EPS8L2: variants seen among roughly 807,000 people sequenced by gnomAD.
EPS8L2 encodes EPS8 signaling adaptor L2.
A neutral mutation model predicts 99.4 loss-of-function variants in EPS8L2; 81 were observed. That is an observed-to-expected ratio of 0.82 (90% CI 0.68 to 0.98). The LOEUF is 0.98. Among genes scored for constraint, EPS8L2 ranks in the 50% least tolerant of loss-of-function variants. The pLI, the probability that EPS8L2 is intolerant of heterozygous loss-of-function variation, is 0.00. For missense variants in EPS8L2, 1,155 were observed against 968.8 expected (o/e 1.19, Z -2.55); for synonymous variants, 509 against 407.3 (o/e 1.25, Z -3.01).
chr11:721,419 C>A, intron 9 of EPS8L2, 67 bp downstream of exon 9: 1 of 1,511,418 alleles, frequency 6.6e-7, no homozygotes. Context: ...CTGGTCCTTG[C>A]TGTCCCTCCG....
chr11:715,456 C>G (rs1307740360), intron 4 of EPS8L2, among the ~76,000 whole-genome samples: 1 of 151,928 alleles, frequency 6.6e-6, no homozygotes, highest in Non-Finnish European at 1.5e-5. Context: ...CTTGATCAGG[C>G]TTGCTAGGGA....
At chr11:722,943 CT>C (rs1384742223) in intron 14 of EPS8L2, 138 bp downstream of exon 14, 115 of 531,856 alleles carry the variant, frequency 2.2e-4, no homozygotes, top group South Asian at 2.1e-3. Context: ...CAGTGCTCCC[CT>C]CCCCAGCCCC....
chr11:713,793 A>C (rs1332425357), intron 4 of EPS8L2, among the ~76,000 whole-genome samples: 1 of 151,022 alleles, frequency 6.6e-6, no homozygotes, highest in Non-Finnish European at 1.5e-5. Flanking sequence ...TGATCCACCC[A>C]CCTCAGCCTC....
At chr11:725,106 G>T (rs530671526) in intron 16 of EPS8L2, among the ~76,000 whole-genome samples, 25 of 152,190 alleles carry the variant, frequency 1.6e-4, no homozygotes, top group Non-Finnish European at 3.2e-4. Flanking sequence ...CTCAGCGGGG[G>T]CCTGTCATTC....
At chr11:710,557 C>T (rs1354628318) in intron 4 of EPS8L2, 71 bp downstream of exon 4, 51 of 1,375,794 alleles carry the variant, frequency 3.7e-5, no homozygotes, top group Non-Finnish European at 5.0e-5. Flanking sequence ...CTCAGGTTCT[C>T]GTCTCCACAA....
Position 722,146 on chromosome 11 carries a change from T to C in EPS8L2, c.1040T>C (p.Leu347Pro). 6.2e-7 allele frequency: 1 copy of C among 1,612,640 alleles called. No homozygotes were observed. Among genetic ancestry groups the C allele is most frequent in the Non-Finnish European group, 8.5e-7 (1 of 1,179,782 alleles). ...NPSAAELVHF[L>P]FGPLDLIVNT... ...AGCGCCGCGGAGCTCGTGCACTTCC[T>C]CTTCGGGCCTCTGGACCTGGTGCCT... The change falls in exon 12 of 21, where the codon CTC becomes CCC. Residue 347 changes from leucine (L) to proline (P), a missense_variant. By Grantham distance (98) the Leu-to-Pro change is moderately conservative. Coordinates refer to ENST00000318562, the MANE Select transcript of EPS8L2 (RefSeq NM_022772.4).
chr11:709,740 C>G (rs1265288964), intron 3 of EPS8L2, 132 bp downstream of exon 3: 2 of 1,014,606 alleles, frequency 2.0e-6, no homozygotes, highest in South Asian at 2.9e-5. Context: ...CCCAGGGAGG[C>G]CTCTGGACCC....
Position 721,550 on chromosome 11 carries a change from C to A in EPS8L2, c.769-15C>A. ...GGAGTGTCAGGGGCTGACCCCTGAC[C>A]CCCTCTGACCCCAGCAAATCCTCAA... On this transcript the variant is annotated splice_polypyrimidine_tract_variant and intron_variant, in intron 9 of 20. Coordinates refer to ENST00000318562, the MANE Select transcript of EPS8L2 (RefSeq NM_022772.4). The A allele has an allele frequency of 1.3e-6, 2 of 1,535,494 alleles. No individual in the cohort carries two copies. Among genetic ancestry groups the A allele is most frequent in the South Asian group, 2.5e-5 (2 of 80,310 alleles).
chr11:707,340 C>CCACCCAG (rs1379362805), intron 1 of EPS8L2, among the ~76,000 whole-genome samples: 1 of 152,172 alleles, frequency 6.6e-6, no homozygotes, highest in Non-Finnish European at 1.5e-5. Flanking sequence ...TTCCAGGGCC[C>CCACCCAG]CACCCAGCGC....
intron 4 of EPS8L2, among the ~76,000 whole-genome samples, chr11:712,413 CGT>C (rs1564970832): frequency 2.3e-5 from 2 of 88,480 alleles, no homozygotes; most frequent in East Asian, 8.9e-4. Flanking sequence ...TCCCGGTTGT[CGT>C]CCAAGCCTGG....
At chr11:710,148 A>AC (rs958694135) in intron 3 of EPS8L2, 9 of 455,832 alleles carry the variant, frequency 2.0e-5, no homozygotes, top group Middle Eastern at 6.2e-4. Flanking sequence ...CGGGACAGAA[A>AC]CCCCCCGGGC....
Position 720,668 on chromosome 11 carries a change from G to A in EPS8L2, c.399G>A (p.Pro133=), listed in dbSNP as rs139173072. The A allele has an allele frequency of 4.3e-5, 68 of 1,597,250 alleles. No homozygotes were observed. The African/African-American group carries it at 8.8e-4, about 21-fold the overall frequency. Residue 133 remains proline (P), a synonymous_variant, in exon 6 of 21, where the codon CCG becomes CCA. Transcript: ENST00000318562. ...CGGTCCTCAACCAGCTGCGCTACCC[G>A]TCTGTGCTGCTGCTCGTGTGCCAGG... ...SQTVLNQLRY[P]SVLLLVCQDS...
Position 726,091 on chromosome 11 carries a change from C to T in EPS8L2, c.1681-7C>T, listed in dbSNP as rs771005275. 3.8e-6 allele frequency: 6 copies of T among 1,568,538 alleles called. No individual in the cohort carries two copies. Among genetic ancestry groups the T allele is most frequent in the Non-Finnish European group, 5.2e-6 (6 of 1,149,012 alleles). Reference sequence around the variant, plus strand: ...GTGGGGAGCCTAATCGCCCCCCGCCCCCGCAGGCCGGTCAGAAGTACTGGG... The same window carrying T: ...GTGGGGAGCCTAATCGCCCCCCGCCTCCGCAGGCCGGTCAGAAGTACTGGG... On this transcript the variant is annotated splice_polypyrimidine_tract_variant and splice_region_variant and intron_variant, in intron 17 of 20. Transcript: ENST00000318562.
chr11:711,236 T>G (rs916122839), intron 4 of EPS8L2, among the ~76,000 whole-genome samples: 20 of 142,954 alleles, frequency 1.4e-4, no homozygotes, highest in Admixed American at 3.7e-4. Context: ...TTTTGGGGGG[T>G]TTTGTGTGCG....
In EPS8L2 at chr11:724,696, G is replaced by C. The variant is rs201018519; in HGVS notation, c.1455-28G>C. 1 of 1,549,224 alleles carries C rather than the reference G, an allele frequency of 6.5e-7. No homozygotes were observed. Among genetic ancestry groups the C allele is most frequent in the Admixed American group, 1.7e-5 (1 of 59,910 alleles). On this transcript the variant is annotated intron_variant, in intron 15 of 20. Coordinates refer to ENST00000318562, the MANE Select transcript of EPS8L2 (RefSeq NM_022772.4). This position sits in a 1 kb window ranked among gnomAD's most constrained non-coding sequence, Gnocchi z 5.5. ...TCTCAGAGGAGACCCCCACCAGACT[G>C]GGCCTCAGCCCCTCCTGTTCCTCAC...
chr11:725,585 G>C, intron 16 of EPS8L2, 143 bp from the exon 17 acceptor site: 2 of 764,610 alleles, frequency 2.6e-6, no homozygotes, highest in Admixed American at 8.6e-5. Flanking sequence ...TGGAGGGGTG[G>C]AAACAGGGGT....
intron 4 of EPS8L2, among the ~76,000 whole-genome samples, chr11:717,747 C>T (rs895474065): frequency 3.3e-5 from 5 of 152,054 alleles, no homozygotes; most frequent in East Asian, 1.9e-4. Flanking sequence ...CAGTGGCTCA[C>T]GTCTGTAATC....
In EPS8L2 at chr11:714,677, T is replaced by A. The variant is rs200505616; in HGVS notation, c.165+4191T>A. On this transcript the variant is annotated intron_variant, in intron 4 of 20. Transcript: ENST00000318562. ...TATATTTATTTTATTTTATTTTATT[T>A]TTTTTTGAGACAGTCTCAATGTACT... 2.5e-4 allele frequency among the ~76,000 whole-genome samples: 6 copies of A among 23,606 alleles called. No individual in the cohort carries two copies. The East Asian group carries it at 3.9e-3, about 15-fold the overall frequency. The allele number at this position is 23,606 out of a possible 152,430, so 15.5% of individuals were successfully genotyped here. A position where few individuals can be genotyped will look rare whatever the true frequency, so the allele number is the denominator to read the frequency against.
intron 1 of EPS8L2, chr11:708,962 C>T (rs1220659280): frequency 7.2e-6 from 1 of 138,452 alleles, no homozygotes; most frequent in Non-Finnish European, 1.6e-5. Flanking sequence ...CCCCTCCCCC[C>T]ACACTCCCAC....
Sources: gnomAD v4.1 joint callset for allele counts (sites outside exome capture counted in the v4.1 genomes callset) on GRCh38, gnomAD v4.1.1 for gene constraint, Gnocchi (gnomAD v3.1) non-coding constraint, MANE v1.5 for transcripts, NCBI Gene and HGNC (gene_info 2026-07-23, HGNC 2026-07-21) for gene names.